The following ARFGEF1 variants were observed in gnomAD, a reference collection of about 807,000 sequenced individuals.
ARFGEF1 encodes ARF guanine nucleotide exchange factor 1.
Under a neutral mutation model 231.0 loss-of-function variants are expected in ARFGEF1, and 42 were observed. The ratio of observed to expected loss-of-function variants is 0.18; its 90% confidence interval spans 0.14 to 0.24. ARFGEF1 has a LOEUF of 0.24. Among genes scored for constraint, ARFGEF1 ranks in the 10% least tolerant of loss-of-function variants. The pLI, the probability that ARFGEF1 is intolerant of heterozygous loss-of-function variation, is 1.00. For missense variants in ARFGEF1, 1,345 were observed against 2,192.0 expected (o/e 0.61, Z 7.72); for synonymous variants, 710 against 732.3 (o/e 0.97, Z 0.49).
At chr8:67,194,293 G>A (rs2129576210), downstream of ARFGEF1, among the ~76,000 whole-genome samples, 1 of 152,266 alleles carries the variant, frequency 6.6e-6, no homozygotes, top group South Asian at 2.1e-4. Flanking sequence ...TCTTTAGTCT[G>A]TTAATCTACA....
chr8:67,201,795 A>T, intron 36 of ARFGEF1, 190 bp from the exon 37 acceptor site: 1 of 673,856 alleles, frequency 1.5e-6, no homozygotes, highest in Non-Finnish European at 2.4e-6. Flanking sequence ...AGCTGGGGAT[A>T]TGAGATATAA....
At position 67,202,948 on chromosome 8, in the gene ARFGEF1, A is replaced by G. The variant is rs536046260; in HGVS notation, c.5128+135T>C. 8.2e-4 allele frequency: 711 copies of G among 870,784 alleles called. 1 individual carries two copies. The highest frequency in any genetic ancestry group is 4.5e-4 in the Non-Finnish European group (267 of 599,062). 53.9% of individuals were successfully genotyped at this position (870,784 alleles called of 1,614,324 possible). ...AAGGGCCTCGTTGTGAGGTTACTTT[A>G]TTACTGTTAAGGTCAGAGTACATAT... On this transcript the variant is annotated intron_variant, in intron 36 of 38. Transcript: ENST00000262215.
At chr8:67,316,482 G>A (rs1419600451) in intron 1 of ARFGEF1, among the ~76,000 whole-genome samples, 1 of 150,232 alleles carries the variant, frequency 6.7e-6, no homozygotes, top group African/African-American at 2.5e-5. Flanking sequence ...TTTTTTCTGA[G>A]ACGGGGTCCA....
intron 14 of ARFGEF1, among the ~76,000 whole-genome samples, chr8:67,261,876 T>C (rs963642869): frequency 6.6e-6 from 1 of 150,796 alleles, no homozygotes; most frequent in Non-Finnish European, 1.5e-5. Context: ...ATTGCTACAT[T>C]GCCGACGCTG....
In ARFGEF1 at chr8:67,229,608, T is replaced by C. The variant is rs188115252; in HGVS notation, c.3381-1344A>G. ...AATCTGAGGGAAAAATCAAAAGTAA[T>C]ATGGCCCCTCTTAATCCAGGGATTA... On this transcript the variant is annotated intron_variant, in intron 23 of 38. Coordinates refer to ENST00000262215, the MANE Select transcript of ARFGEF1 (RefSeq NM_006421.5). Among the ~76,000 whole-genome samples the C allele has an allele frequency of 5.3e-5, 8 of 152,104 alleles. No individual in the cohort carries two copies. In the East Asian group the frequency reaches 1.4e-3, roughly 26 times the overall value.
In ARFGEF1 at chr8:67,218,110, TTG is replaced by T; in HGVS notation, c.4365_4366del (p.Cys1455Ter). On this transcript the variant is annotated stop_gained and frameshift_variant, in exon 31 of 39. Transcript: ENST00000262215. LOFTEE classifies it high-confidence loss of function. ...ATCACAGATTGCATAAAGTGCATGATTGCAAGTTGTTGTCATCCATTCAGCTT... is the reference window on the plus strand; with the variant it reads ...ATCACAGATTGCATAAAGTGCATGATCAAGTTGTTGTCATCCATTCAGCTT... The T allele has an allele frequency of 6.5e-7, 1 of 1,528,386 alleles. No individual in the cohort carries two copies. Among genetic ancestry groups the T allele is most frequent in the Non-Finnish European group, 8.8e-7 (1 of 1,135,118 alleles). 94.7% of individuals were successfully genotyped at this position (1,528,386 alleles called of 1,614,324 possible).
At chr8:67,221,814 T>C (rs981476751) in intron 29 of ARFGEF1, among the ~76,000 whole-genome samples, 4 of 151,398 alleles carry the variant, frequency 2.6e-5, no homozygotes, top group Non-Finnish European at 4.4e-5. Flanking sequence ...TGCTTTTTTT[T>C]TTCTTTCTTT....
rs71249424 is a variant in ARFGEF1, at chr8:67,192,078, G to GTT, written c.560+8316_560+8317dup. On this transcript the variant is annotated intron_variant, in intron 5 of 5. Coordinates refer to the ARFGEF1 transcript ENST00000518789. ...CCTTTGCTGATTTGTTTTTTTTTTT[G>GTT]TTTTTTTTTTTTGATACAGAGTCCT... Among the ~76,000 whole-genome samples the GTT allele has an allele frequency of 3.0e-3, 388 of 127,710 alleles. 1 individual carries two copies. The highest frequency in any genetic ancestry group is 4.8e-3 in the East Asian group (22 of 4,588). 83.8% of individuals were successfully genotyped at this position (127,710 alleles called of 152,430 possible).
intron 1 of ARFGEF1, among the ~76,000 whole-genome samples, chr8:67,334,239 C>T (rs988597534): frequency 2.7e-5 from 4 of 146,508 alleles, no homozygotes; most frequent in Non-Finnish European, 6.0e-5. Flanking sequence ...ACTTCAATCT[C>T]ATCCCCAAGA....
At chr8:67,195,431 G>T, downstream of ARFGEF1, 1 of 1,614,182 alleles carries the variant, frequency 6.2e-7, no homozygotes. Context: ...AACACATAGG[G>T]GATGACGGAT....
chr8:67,299,181 T>G (rs1326468052), intron 4 of ARFGEF1, 28 bp downstream of exon 4: 3 of 1,495,356 alleles, frequency 2.0e-6, no homozygotes, highest in Non-Finnish European at 2.7e-6. Context: ...AGATTATTAA[T>G]AACAATTTTA....
intron 1 of ARFGEF1, among the ~76,000 whole-genome samples, chr8:67,335,393 C>T (rs1318321465): frequency 6.6e-6 from 1 of 152,182 alleles, no homozygotes; most frequent in East Asian, 1.9e-4. Flanking sequence ...GCGCCAGCCA[C>T]CACGCCGGGC....
In ARFGEF1 at chr8:67,258,989, T is replaced by TAC. The variant is rs1840556235; in HGVS notation, c.2236-701_2236-700dup. 2.0e-5 allele frequency among the ~76,000 whole-genome samples: 3 copies of TAC among 152,272 alleles called. 1 individual carries two copies. In the South Asian group the frequency reaches 6.2e-4, roughly 32 times the overall value. ...CCTACACACGTCCTCCCATATACTC[T>TAC]ACTCCCATATCTAGATTACTTATAA... On this transcript the variant is annotated intron_variant, in intron 15 of 38. Coordinates refer to ENST00000262215, the MANE Select transcript of ARFGEF1 (RefSeq NM_006421.5).
chr8:67,211,439 C>A, intron 34 of ARFGEF1, 44 bp downstream of exon 34: 2 of 1,450,650 alleles, frequency 1.4e-6, no homozygotes, highest in Non-Finnish European at 1.8e-6. Flanking sequence ...TAACCCTTTC[C>A]TACATAAAAC....
At chr8:67,311,093 C>T (rs1391604588) in intron 1 of ARFGEF1, among the ~76,000 whole-genome samples, 2 of 149,174 alleles carry the variant, frequency 1.3e-5, no homozygotes, top group African/African-American at 4.9e-5. Context: ...GGCCAGCCGC[C>T]CCGTCCGGGA....
rs552458832 is a variant in ARFGEF1 at position 67,249,929 on chromosome 8, T to C, written c.2850+1370A>G. ...AAGCCACCGTGCCTAGCTGAGAGGG[T>C]GATATTTAAACTGGAAACTACTCAG... On this transcript the variant is annotated intron_variant, in intron 19 of 38. Transcript: ENST00000262215. Among the ~76,000 whole-genome samples the C allele has an allele frequency of 4.6e-5, 7 of 152,100 alleles. No homozygotes were observed. In the East Asian group the frequency reaches 1.4e-3, roughly 29 times the overall value.
At chr8:67,289,672 G>A (rs1805924028) in intron 6 of ARFGEF1, among the ~76,000 whole-genome samples, 1 of 150,502 alleles carries the variant, frequency 6.6e-6, no homozygotes, top group Admixed American at 6.6e-5. Context: ...ACTGTCTGTA[G>A]TATCCCAAAA....
chr8:67,204,409 C>T (rs1838440565), intron 35 of ARFGEF1, among the ~76,000 whole-genome samples: 1 of 152,174 alleles, frequency 6.6e-6, no homozygotes, highest in Admixed American at 6.5e-5. Flanking sequence ...CGTGCCTCCC[C>T]ATGCCTCATG....
intron 19 of ARFGEF1, among the ~76,000 whole-genome samples, chr8:67,241,815 T>C (rs767435692): frequency 6.6e-6 from 1 of 151,594 alleles, no homozygotes; most frequent in Non-Finnish European, 1.5e-5. Context: ...ATTGAAGGGG[T>C]AGGAAAGACA....
Sources: gnomAD v4.1 joint callset for allele counts (sites outside exome capture counted in the v4.1 genomes callset) on GRCh38, gnomAD v4.1.1 for gene constraint, MANE v1.5 for transcripts, NCBI Gene and HGNC (gene_info 2026-07-23, HGNC 2026-07-21) for gene names.